Variants in SUPT3H observed in about 807,000 individuals in gnomAD.
SUPT3H encodes the protein SPT3 homolog, SAGA and STAGA complex component.
In SUPT3H, 44 loss-of-function variants were observed where a neutral mutation model predicts 44.3. The ratio of observed to expected loss-of-function variants is 0.99; its 90% CI spans 0.78 to 1.28. The LOEUF (loss-of-function observed/expected upper bound fraction) is 1.28. Among genes scored for constraint, SUPT3H ranks in the 50% most tolerant of loss-of-function variants. The pLI is 0.00. For missense variants in SUPT3H, 380 were observed against 387.1 expected (o/e 0.98, Z 0.15); for synonymous variants, 124 against 125.6 (o/e 0.99, Z 0.09).
chr6:44,974,314 A>G (rs528908885), intron 6 of SUPT3H, among the ~76,000 whole-genome samples: 2 of 150,848 alleles, frequency 1.3e-5, no homozygotes, highest in South Asian at 2.1e-4. Context: ...GTGTGTGTAT[A>G]AATTGTGTGT....
chr6:45,364,036 A>G (rs76521618), intron 2 of SUPT3H, among the ~76,000 whole-genome samples: 1 of 151,754 alleles, frequency 6.6e-6, no homozygotes, highest in South Asian at 2.1e-4. Context: ...AATCGCTTCA[A>G]CCTAGGAAGT....
intron 9 of SUPT3H, among the ~76,000 whole-genome samples, chr6:44,952,909 A>C (rs1774527106): frequency 6.6e-6 from 1 of 152,218 alleles, no homozygotes; most frequent in South Asian, 2.1e-4. Flanking sequence ...TGAAATGGAA[A>C]GTTATCAATA....
At chr6:45,282,905 G>A (rs1164731568) in intron 2 of SUPT3H, among the ~76,000 whole-genome samples, 2 of 152,172 alleles carry the variant, frequency 1.3e-5, no homozygotes, top group Non-Finnish European at 2.9e-5. Context: ...AACTCTACAA[G>A]CCAGAAGAGA....
chr6:44,979,543 G>GT (rs1491567899), intron 6 of SUPT3H, among the ~76,000 whole-genome samples: 5 of 151,544 alleles, frequency 3.3e-5, no homozygotes, highest in African/African-American at 1.2e-4. Context: ...AAGTGTGTGT[G>GT]GGGGGGGGAA....
intron 10 of SUPT3H, among the ~76,000 whole-genome samples, chr6:44,881,507 G>C (rs887976873): frequency 2.6e-5 from 4 of 152,102 alleles, no homozygotes; most frequent in Admixed American, 2.6e-4. Flanking sequence ...AGGCTATTCA[G>C]GACTTGAACT....
chr6:45,233,294 A>G (rs1024509621), intron 2 of SUPT3H, among the ~76,000 whole-genome samples: 4 of 152,136 alleles, frequency 2.6e-5, no homozygotes, highest in Non-Finnish European at 2.9e-5. Context: ...GGTGGCTCAC[A>G]GGATGTGGAA....
At chr6:45,167,461 AC>A (rs1297279542) in intron 2 of SUPT3H, among the ~76,000 whole-genome samples, 4 of 151,998 alleles carry the variant, frequency 2.6e-5, no homozygotes, top group African/African-American at 9.7e-5. Context: ...ATATTAAGAA[AC>A]CTTTTTGAAG....
intron 3 of SUPT3H, among the ~76,000 whole-genome samples, chr6:45,031,020 T>A (rs1460560955): frequency 6.6e-6 from 1 of 152,186 alleles, no homozygotes; most frequent in Non-Finnish European, 1.5e-5. Context: ...TAAAAATCAT[T>A]ACTTAGAAAA....
intron 10 of SUPT3H, among the ~76,000 whole-genome samples, chr6:44,903,741 T>C (rs142701723): frequency 0.34 from 51,468 of 152,028 alleles, 9,593 homozygotes; most frequent in Admixed American, 0.41. Context: ...AAGAGAATTT[T>C]AGACCAATAT....
At chr6:45,062,327 A>AGAGCAAGTT (rs1328927734) in intron 3 of SUPT3H, among the ~76,000 whole-genome samples, 1 of 152,246 alleles carries the variant, frequency 6.6e-6, no homozygotes, top group Non-Finnish European at 1.5e-5. Flanking sequence ...TTTTCAAGGC[A>AGAGCAAGTT]TAAATCCAGA....
intron 3 of SUPT3H, among the ~76,000 whole-genome samples, chr6:45,092,888 T>C (rs1249613912): frequency 3.3e-5 from 5 of 152,186 alleles, no homozygotes; most frequent in Admixed American, 6.5e-5. Context: ...AGTTAATATA[T>C]GCTTGGGAAA....
At chr6:45,074,903 A>C (rs916632404) in intron 3 of SUPT3H, among the ~76,000 whole-genome samples, 1 of 152,100 alleles carries the variant, frequency 6.6e-6, no homozygotes. Flanking sequence ...TCTTGGTACA[A>C]TAATTTAATA....
At chr6:44,935,503 A>G (rs1771255366) in intron 9 of SUPT3H, among the ~76,000 whole-genome samples, 1 of 152,206 alleles carries the variant, frequency 6.6e-6, no homozygotes. Flanking sequence ...TTGACAAAAT[A>G]CTGAGTCCTG....
At chr6:45,376,566 GA>G (rs1796803418) in intron 1 of SUPT3H, among the ~76,000 whole-genome samples, 2 of 152,248 alleles carry the variant, frequency 1.3e-5, no homozygotes, top group South Asian at 4.1e-4. Flanking sequence ...CATCAAGGCA[GA>G]AACTGCTAGT....
chr6:45,123,047 C>T (rs566237984), intron 2 of SUPT3H, among the ~76,000 whole-genome samples: 3 of 152,226 alleles, frequency 2.0e-5, no homozygotes, highest in East Asian at 3.9e-4. Context: ...AAATATAGTC[C>T]TATTTTCTTT....
intron 3 of SUPT3H, among the ~76,000 whole-genome samples, chr6:45,102,926 G>A (rs892512003): frequency 6.7e-6 from 1 of 150,172 alleles, no homozygotes; most frequent in Non-Finnish European, 1.5e-5. Context: ...ACGACAGAGT[G>A]AGACTCCGTC....
At chr6:45,167,278 C>T (rs551790828) in intron 2 of SUPT3H, among the ~76,000 whole-genome samples, 8 of 152,126 alleles carry the variant, frequency 5.3e-5, no homozygotes, top group African/African-American at 9.7e-5. Context: ...TGATAGCAAC[C>T]GGAAGAATGC....
At chr6:44,969,165 G>T (rs1777205551) in intron 6 of SUPT3H, among the ~76,000 whole-genome samples, 1 of 152,096 alleles carries the variant, frequency 6.6e-6, no homozygotes. Context: ...TCCCATGTGT[G>T]CTACTTTTGT....
At chr6:44,859,342 CA>C (rs1774239297) in intron 10 of SUPT3H, among the ~76,000 whole-genome samples, 1 of 152,188 alleles carries the variant, frequency 6.6e-6, no homozygotes, top group Non-Finnish European at 1.5e-5. Context: ...TGGAGATTTT[CA>C]TTTCAAAATC....
Sources: allele counts gnomAD v4.1 joint callset (sites outside exome capture counted in the v4.1 genomes callset), GRCh38; gene constraint gnomAD v4.1.1; transcripts MANE v1.5; gene names NCBI Gene and HGNC (gene_info 2026-07-23, HGNC 2026-07-21).